Variants in GRM7 observed in about 807,000 individuals in gnomAD.
GRM7 encodes metabotropic glutamate receptor 7.
In GRM7, 35 loss-of-function variants were observed where a neutral mutation model predicts 84.5. The observed-to-expected ratio is 0.41, with a 90% CI of 0.32 to 0.55. The LOEUF is 0.55. Among genes scored for constraint, GRM7 ranks in the 20% least tolerant of loss-of-function variants. The pLI, the probability that GRM7 is intolerant of heterozygous loss-of-function variation, is 0.19. For missense variants in GRM7, 1,003 were observed against 1,194.6 expected, an observed-to-expected ratio of 0.84 and a Z score of 2.36; for synonymous variants, 487 against 455.1, an observed-to-expected ratio of 1.07 and a Z score of -0.89.
chr3:6,996,735 C>A (rs1022102017), intron 1 of GRM7, among the ~76,000 whole-genome samples: 3 of 152,176 alleles, frequency 2.0e-5, no homozygotes, highest in African/African-American at 7.2e-5. Context: ...TATTTCTTAT[C>A]TCCCTTCTGT....
chr3:6,951,662 T>C (rs1308454537), intron 1 of GRM7, among the ~76,000 whole-genome samples: 3 of 152,202 alleles, frequency 2.0e-5, no homozygotes, highest in Non-Finnish European at 4.4e-5. Context: ...TGAGGCTTGT[T>C]TTATGGTCCA....
chr3:7,090,249 G>A (rs1422573410), intron 1 of GRM7, among the ~76,000 whole-genome samples: 1 of 152,166 alleles, frequency 6.6e-6, no homozygotes, highest in Admixed American at 6.6e-5. Flanking sequence ...ATGTGAAAAT[G>A]AGGATTTGGG....
intron 7 of GRM7, among the ~76,000 whole-genome samples, chr3:7,571,456 G>A (rs930615699): frequency 5.9e-5 from 9 of 152,076 alleles, no homozygotes; most frequent in East Asian, 1.9e-4. Flanking sequence ...CTAGGGCAGC[G>A]GAAAAATGCC....
intron 4 of GRM7, among the ~76,000 whole-genome samples, chr3:7,370,203 A>AT (rs900734800): frequency 9.2e-5 from 14 of 152,182 alleles, no homozygotes; most frequent in Non-Finnish European, 1.6e-4. Flanking sequence ...GATACTGAGA[A>AT]TTTTTTTTAC....
intron 7 of GRM7, among the ~76,000 whole-genome samples, chr3:7,465,364 G>C (rs982276181): frequency 6.6e-6 from 1 of 152,080 alleles, no homozygotes; most frequent in Non-Finnish European, 1.5e-5. Context: ...GACTTGGTAG[G>C]ATGTCACCCT....
rs542465140 is a variant in GRM7, at chr3:7,218,614, G to A, written c.736+71946G>A. 3.3e-5 allele frequency among the ~76,000 whole-genome samples: 5 copies of A among 152,048 alleles called. No individual in the cohort carries two copies. The South Asian group carries it at 8.3e-4, about 25-fold the overall frequency. Reference sequence around the variant, plus strand: ...TTTCAATTTCTACCCATTCTTTAGTGTAAAGCGATAAATCATTTTAATGCA... The same window carrying A: ...TTTCAATTTCTACCCATTCTTTAGTATAAAGCGATAAATCATTTTAATGCA... On this transcript the variant is annotated intron_variant, in intron 2 of 9. Coordinates refer to ENST00000357716, the MANE Select transcript of GRM7 (RefSeq NM_000844.4).
At chr3:7,491,922 T>C (rs1307941522) in intron 7 of GRM7, among the ~76,000 whole-genome samples, 1 of 152,166 alleles carries the variant, frequency 6.6e-6, no homozygotes, top group Non-Finnish European at 1.5e-5. Flanking sequence ...TGCGTTGCCC[T>C]GTTCTACCCG....
intron 1 of GRM7, among the ~76,000 whole-genome samples, chr3:6,997,043 G>C (rs1373106118): frequency 1.3e-5 from 2 of 152,120 alleles, no homozygotes; most frequent in African/African-American, 4.8e-5. Flanking sequence ...AAAAATGTTA[G>C]TAATCTTAGA....
intron 4 of GRM7, among the ~76,000 whole-genome samples, chr3:7,376,528 A>G (rs1443642033): frequency 2.0e-5 from 3 of 152,176 alleles, no homozygotes; most frequent in Non-Finnish European, 4.4e-5. Flanking sequence ...GGAGCCTTCA[A>G]CAATCTGTGG....
At chr3:7,277,737 T>G (rs1480772173) in intron 2 of GRM7, among the ~76,000 whole-genome samples, 1 of 152,108 alleles carries the variant, frequency 6.6e-6, no homozygotes, top group Non-Finnish European at 1.5e-5. Context: ...GTACAGGTTG[T>G]TTTTGGATTA....
At chr3:6,986,536 T>TTTA (rs2124844816) in intron 1 of GRM7, among the ~76,000 whole-genome samples, 2 of 152,342 alleles carry the variant, frequency 1.3e-5, no homozygotes, top group East Asian at 3.9e-4. Flanking sequence ...ACTCTGTTAA[T>TTTA]GCTCATACGT....
chr3:7,484,047 C>A (rs1699232223), intron 7 of GRM7, among the ~76,000 whole-genome samples: 1 of 152,076 alleles, frequency 6.6e-6, no homozygotes, highest in Admixed American at 6.5e-5. Flanking sequence ...TGCAAAGATT[C>A]AAAGATCTGA....
At chr3:7,626,366 T>C (rs532656246) in intron 8 of GRM7, among the ~76,000 whole-genome samples, 119 of 152,340 alleles carry the variant, frequency 7.8e-4, no homozygotes, top group African/African-American at 1.3e-3. Flanking sequence ...CGATTCTCTG[T>C]AGGCTCTGAA....
intron 8 of GRM7, among the ~76,000 whole-genome samples, chr3:7,583,057 A>C (rs1419789801): frequency 6.6e-6 from 1 of 152,148 alleles, no homozygotes; most frequent in African/African-American, 2.4e-5. Context: ...TTTCAAGCAA[A>C]GGGGAGGTCC....
In GRM7 at chr3:6,953,185, T is replaced by C. The variant is rs543475285; in HGVS notation, c.519+91278T>C. Among the ~76,000 whole-genome samples the C allele has an allele frequency of 3.7e-4, 57 of 152,358 alleles. 1 individual carries two copies. The highest frequency in any genetic ancestry group is 1.5e-5 in the Non-Finnish European group (1 of 68,040). On this transcript the variant is annotated intron_variant, in intron 1 of 9. Transcript: ENST00000357716. Reference sequence around the variant, plus strand: ...GACCCAGATTCTTTCATCCCCTGTCTCTGTCATTTCCCAGTGCCTCAGAAT... The same window carrying C: ...GACCCAGATTCTTTCATCCCCTGTCCCTGTCATTTCCCAGTGCCTCAGAAT...
In GRM7 at chr3:7,386,963, G is replaced by A. The variant is rs926739102; in HGVS notation, c.1034-28060G>A. On this transcript the variant is annotated intron_variant, in intron 4 of 9. Transcript: ENST00000357716. ...TTGATTTTTCAATAAAAGTCATTCT[G>A]ATGGGTGTGAGATTGTATTTCATTG... 2.6e-4 allele frequency among the ~76,000 whole-genome samples: 39 copies of A among 152,116 alleles called. 1 individual carries two copies. The highest frequency in any genetic ancestry group is 8.4e-4 in the African/African-American group (35 of 41,448).
intron 9 of GRM7, among the ~76,000 whole-genome samples, chr3:7,719,319 A>G (rs888143920): frequency 9.2e-5 from 14 of 152,154 alleles, no homozygotes; most frequent in Non-Finnish European, 2.9e-5. Context: ...CTCTGAAGTG[A>G]TATGAAGATC....
At chr3:7,388,170 C>T (rs1017543517) in intron 4 of GRM7, among the ~76,000 whole-genome samples, 1 of 152,034 alleles carries the variant, frequency 6.6e-6, no homozygotes, top group African/African-American at 2.4e-5. Flanking sequence ...AGTCATTTAT[C>T]AGGTCTAAGA....
chr3:7,578,285 C>T (rs1695059541), intron 7 of GRM7, 137 bp from the exon 8 acceptor site: 1 of 622,802 alleles, frequency 1.6e-6, no homozygotes, highest in Non-Finnish European at 2.9e-6. Context: ...ATACTTGTAA[C>T]TCTTGCAAGC....
Sources: allele counts gnomAD v4.1 joint callset (sites outside exome capture counted in the v4.1 genomes callset), GRCh38; gene constraint gnomAD v4.1.1; transcripts MANE v1.5; gene names NCBI Gene and HGNC (gene_info 2026-07-23, HGNC 2026-07-21).